Variants in PLEKHD1 observed in about 807,000 individuals in gnomAD.
The protein encoded by PLEKHD1 is pleckstrin homology and coiled-coil domain containing D1, also known as pleckstrin homology domain-containing family D member 1.
PLEKHD1 carries 51 observed loss-of-function variants against 69.2 expected under a neutral mutation model. The ratio of observed to expected loss-of-function variants is 0.74; its 90% CI spans 0.59 to 0.93. The LOEUF is 0.93. Among genes scored for constraint, PLEKHD1 ranks in the 40% least tolerant of loss-of-function variants. PLEKHD1 has a pLI of 0.00. For missense variants in PLEKHD1, 584 were observed against 641.0 expected (o/e 0.91, Z 0.96); for synonymous variants, 236 against 244.7 (o/e 0.96, Z 0.33).
At chr14:69,510,939 T>C (rs1883257172) in intron 6 of PLEKHD1, among the ~76,000 whole-genome samples, 1 of 152,214 alleles carries the variant, frequency 6.6e-6, no homozygotes, top group South Asian at 2.1e-4. Flanking sequence ...TCTCTATTAC[T>C]AGTTTGTTGA....
intron 6 of PLEKHD1, among the ~76,000 whole-genome samples, chr14:69,513,241 AAAT>A (rs1438689764): frequency 6.6e-6 from 1 of 150,432 alleles, no homozygotes; most frequent in Non-Finnish European, 1.5e-5. Flanking sequence ...AAATAAAATA[AAAT>A]AATAAAATAA....
intron 12 of PLEKHD1, 105 bp downstream of exon 12, chr14:69,528,037 G>A (rs531790019): frequency 9.2e-6 from 14 of 1,517,574 alleles, no homozygotes; most frequent in Middle Eastern, 3.9e-4. Context: ...GGAGAGTGTG[G>A]CCTTGAACCT....
At chr14:69,503,783 G>C (rs879445279) in intron 6 of PLEKHD1, 1 of 146,390 alleles carries the variant, frequency 6.8e-6, no homozygotes, top group Admixed American at 6.9e-5. Context: ...AGAATCGCTT[G>C]AACCCGGGAG....
chr14:69,519,652 C>G (rs1041101263), intron 6 of PLEKHD1, among the ~76,000 whole-genome samples: 1 of 152,194 alleles, frequency 6.6e-6, no homozygotes, highest in Non-Finnish European at 1.5e-5. Context: ...GCTGGCGTCA[C>G]GAGGCACTTA....
intron 6 of PLEKHD1, among the ~76,000 whole-genome samples, chr14:69,516,031 C>T (rs1003308133): frequency 1.3e-5 from 2 of 152,204 alleles, no homozygotes; most frequent in African/African-American, 4.8e-5. Context: ...TATTTAGAGA[C>T]AGGGTCTCAC....
chr14:69,527,886 G>T lies in PLEKHD1; in HGVS notation c.1305G>T (p.Lys435Asn). 1 of 1,551,488 alleles carries T rather than the reference G, an allele frequency of 6.4e-7. No homozygotes were observed. The highest frequency in any genetic ancestry group is 8.7e-7 in the Non-Finnish European group (1 of 1,147,002). The part of the protein sequence containing the change: ...YIHKAATRRI[K>N]SCRFHRRRSS... ...ATAAGGCAGCCACTCGCCGCATCAA[G>T]AGCTGCCGCTTCCACCGACGCCGGT... is the stretch of plus-strand genomic sequence containing the variant. Residue 435 changes from lysine to asparagine, a missense_variant, in exon 12 of 13, where the codon AAG becomes AAT. Physicochemically the swap from Lys to Asn is moderately conservative, Grantham distance 94. Transcript: ENST00000322564.
chr14:69,489,816 C>T (rs1296866457), intron 1 of PLEKHD1, among the ~76,000 whole-genome samples: 1 of 152,028 alleles, frequency 6.6e-6, no homozygotes, highest in Non-Finnish European at 1.5e-5. Flanking sequence ...CCAAGACTCC[C>T]CACCCACTTC....
At chr14:69,491,480 A>G (rs1882775617) in intron 1 of PLEKHD1, among the ~76,000 whole-genome samples, 2 of 152,062 alleles carry the variant, frequency 1.3e-5, no homozygotes, top group South Asian at 4.1e-4. Context: ...CTATTGTCCT[A>G]CAGGATTTTC....
intron 1 of PLEKHD1, among the ~76,000 whole-genome samples, chr14:69,490,571 A>AG (rs1217323779): frequency 2.6e-5 from 4 of 152,196 alleles, no homozygotes; most frequent in African/African-American, 4.8e-5. Flanking sequence ...TACTTGTTCC[A>AG]GGGGGACTAA....
intron 6 of PLEKHD1, among the ~76,000 whole-genome samples, chr14:69,508,012 A>T (rs953936305): frequency 1.1e-4 from 17 of 152,198 alleles, no homozygotes; most frequent in African/African-American, 3.4e-4. Flanking sequence ...GGCCACTTTC[A>T]TGAGTTTAGC....
upstream of PLEKHD1, among the ~76,000 whole-genome samples, chr14:69,483,216 G>C (rs1431945277): frequency 6.6e-6 from 1 of 152,124 alleles, no homozygotes; most frequent in Admixed American, 6.5e-5. Context: ...AGGGGATGCT[G>C]TCTGAGCTTG....
At chr14:69,511,718 T>A (rs1883276090) in intron 6 of PLEKHD1, among the ~76,000 whole-genome samples, 1 of 151,698 alleles carries the variant, frequency 6.6e-6, no homozygotes, top group South Asian at 2.1e-4. Flanking sequence ...CCTGGCTAAG[T>A]TTTGTATTTT....
intron 6 of PLEKHD1, among the ~76,000 whole-genome samples, chr14:69,521,930 G>A (rs1566565026): frequency 1.3e-5 from 2 of 152,174 alleles, no homozygotes; most frequent in African/African-American, 4.8e-5. Flanking sequence ...CAGGTGTGAG[G>A]GACAGCCAAC....
chr14:69,493,266 T>G (rs546868358), intron 1 of PLEKHD1, among the ~76,000 whole-genome samples: 84 of 152,298 alleles, frequency 5.5e-4, no homozygotes, highest in African/African-American at 1.9e-3. Flanking sequence ...AGATAAGCTC[T>G]AGGAAGAGAA....
At chr14:69,488,273 G>T (rs1444741137) in intron 1 of PLEKHD1, among the ~76,000 whole-genome samples, 1 of 152,168 alleles carries the variant, frequency 6.6e-6, no homozygotes, top group Non-Finnish European at 1.5e-5. Flanking sequence ...GACTAGAGGA[G>T]ACTTTCTTCC....
intron 1 of PLEKHD1, among the ~76,000 whole-genome samples, chr14:69,488,677 G>A (rs1204370147): frequency 6.6e-6 from 1 of 152,190 alleles, no homozygotes; most frequent in Non-Finnish European, 1.5e-5. Context: ...AGGGGACAGA[G>A]CAGAGGAGCT....
chr14:69,481,854 G>T (rs1284730454), upstream of PLEKHD1, among the ~76,000 whole-genome samples: 2 of 152,196 alleles, frequency 1.3e-5, no homozygotes, highest in Non-Finnish European at 1.5e-5. Flanking sequence ...TTCCTGGCAA[G>T]ATTGGGCGGC....
chr14:69,506,915 TTTTTA>T (rs1883164131), intron 6 of PLEKHD1, among the ~76,000 whole-genome samples: 1 of 147,394 alleles, frequency 6.8e-6, no homozygotes, highest in African/African-American at 2.6e-5. Flanking sequence ...TTTTTTTTTT[TTTTTA>T]AAGACGGAAT....
At chr14:69,519,773 G>C (rs1014566412) in intron 6 of PLEKHD1, among the ~76,000 whole-genome samples, 3 of 152,210 alleles carry the variant, frequency 2.0e-5, no homozygotes, top group African/African-American at 4.8e-5. Flanking sequence ...GTAAGTTGGA[G>C]TGTTAGAGAA....
Sources: allele counts gnomAD v4.1 joint callset (sites outside exome capture counted in the v4.1 genomes callset), GRCh38; gene constraint gnomAD v4.1.1; transcripts MANE v1.5; gene names NCBI Gene and HGNC (gene_info 2026-07-23, HGNC 2026-07-21).